Variants in MRTFA observed in about 807,000 individuals in gnomAD.
The protein encoded by MRTFA is myocardin related transcription factor A, also known as myocardin-related transcription factor A.
A neutral mutation model predicts 83.5 loss-of-function variants in MRTFA; 20 were observed. That is an observed-to-expected ratio of 0.24 (90% CI 0.17 to 0.35). The LOEUF (loss-of-function observed/expected upper bound fraction) is 0.35. MRTFA is among the 10% of genes least tolerant of loss of function. MRTFA has a pLI of 1.00. For synonymous variants in MRTFA, 659 were observed against 541.2 expected (o/e 1.22, Z -3.02); for missense variants, 1,200 against 1,224.7 (o/e 0.98, Z 0.30).
chr22:40,513,498 G>T, intron 3 of MRTFA, among the ~76,000 whole-genome samples: 1 of 151,646 alleles, frequency 6.6e-6, no homozygotes, highest in East Asian at 1.9e-4. Context: ...CTATTTGGGA[G>T]GCTAAGGCAG....
At chr22:40,498,440 T>A (rs1266028504) in intron 3 of MRTFA, among the ~76,000 whole-genome samples, 1 of 150,226 alleles carries the variant, frequency 6.7e-6, no homozygotes, top group African/African-American at 2.4e-5. Context: ...CAAGCTACCA[T>A]GCCCAGCTGA....
chr22:40,555,718 G>A (rs899763253), intron 2 of MRTFA, among the ~76,000 whole-genome samples: 4 of 151,234 alleles, frequency 2.6e-5, no homozygotes, highest in Non-Finnish European at 5.9e-5. Flanking sequence ...CTCACTGCAA[G>A]CTCCACCTCC....
At position 40,418,582 on chromosome 22, in the gene MRTFA, G is replaced by T; in HGVS notation, c.2156C>A (p.Pro719Gln). The T allele has an allele frequency of 6.5e-7, 1 of 1,549,858 alleles. No homozygotes were observed. Among genetic ancestry groups the T allele is most frequent in the Non-Finnish European group, 8.7e-7 (1 of 1,154,942 alleles). Residue 719 changes from proline (P) to glutamine (Q), a missense_variant, in exon 12 of 15, where the codon CCG (proline) becomes CAG (glutamine). Pro to Gln is a moderately conservative substitution (Grantham distance 76). Coordinates refer to ENST00000355630, the MANE Select transcript of MRTFA (RefSeq NM_020831.6). ...GGCTTCCTGCTTCACCACCACGGAC[G>T]GGGGCCCCGGGGCCACAGCACAAGG...
At chr22:40,516,330 G>A (rs1299895865) in intron 3 of MRTFA, among the ~76,000 whole-genome samples, 1 of 144,838 alleles carries the variant, frequency 6.9e-6, no homozygotes, top group Non-Finnish European at 1.5e-5. Context: ...TGAGACAGGA[G>A]AATCACTTGA....
intron 2 of MRTFA, among the ~76,000 whole-genome samples, chr22:40,576,189 CAGCTA>C (rs1569336355): frequency 6.6e-6 from 1 of 151,896 alleles, no homozygotes; most frequent in East Asian, 1.9e-4. Flanking sequence ...CCACCACGCT[CAGCTA>C]ATTTTTTTTT....
chr22:40,451,158 T>C lies in MRTFA; in HGVS notation c.307+12063A>G, dbSNP rs903014850. 5.3e-5 allele frequency among the ~76,000 whole-genome samples: 8 copies of C among 152,214 alleles called. No homozygotes were observed. The South Asian group carries it at 6.2e-4, about 12-fold the overall frequency. On this transcript the variant is annotated intron_variant, in intron 4 of 14. Coordinates refer to ENST00000355630, the MANE Select transcript of MRTFA (RefSeq NM_020831.6). ...TATGGAGTCAAATGCTGAGAGCTAA[T>C]TGGACCGGGCTTGACTTCCATTTTT...
intron 2 of MRTFA, among the ~76,000 whole-genome samples, chr22:40,552,826 G>A (rs542757121): frequency 1.2e-4 from 18 of 152,276 alleles, no homozygotes; most frequent in African/African-American, 3.4e-4. Flanking sequence ...CCAAAAATGT[G>A]GAAGCAACTT....
At chr22:40,545,787 G>A (rs1205370883) in intron 3 of MRTFA, among the ~76,000 whole-genome samples, 1 of 149,694 alleles carries the variant, frequency 6.7e-6, no homozygotes, top group Non-Finnish European at 1.5e-5. Context: ...AGGCTGGAGT[G>A]TAGTGGTGTG....
At chr22:40,522,922 G>A (rs970590612) in intron 3 of MRTFA, 5 of 152,180 alleles carry the variant, frequency 3.3e-5, no homozygotes, top group African/African-American at 1.2e-4. Context: ...GAGTTCCAAA[G>A]ATCAGTAGTT....
At chr22:40,542,949 T>C (rs182971305) in intron 3 of MRTFA, among the ~76,000 whole-genome samples, 15 of 152,328 alleles carry the variant, frequency 9.8e-5, no homozygotes, top group African/African-American at 2.9e-4. Flanking sequence ...TGCTTTTGTT[T>C]TGTTTTGTGT....
chr22:40,466,957 T>C (rs2053821077), intron 3 of MRTFA, among the ~76,000 whole-genome samples: 1 of 131,860 alleles, frequency 7.6e-6, no homozygotes, highest in South Asian at 2.6e-4. Flanking sequence ...CAACCGTGTA[T>C]ATATTATGCA....
chr22:40,579,624 C>T (rs1173425636), intron 2 of MRTFA, among the ~76,000 whole-genome samples: 1 of 152,062 alleles, frequency 6.6e-6, no homozygotes, highest in Non-Finnish European at 1.5e-5. Flanking sequence ...CTTTAGGAGG[C>T]CAAGGTGGGT....
At chr22:40,626,630 A>G (rs1161133567) in intron 1 of MRTFA, among the ~76,000 whole-genome samples, 1 of 152,206 alleles carries the variant, frequency 6.6e-6, no homozygotes, top group Non-Finnish European at 1.5e-5. Flanking sequence ...TTTAAAGGAA[A>G]GACAATATAT....
intron 3 of MRTFA, among the ~76,000 whole-genome samples, chr22:40,536,915 C>T (rs1373133159): frequency 2.4e-5 from 2 of 83,544 alleles, no homozygotes; most frequent in East Asian, 1.0e-3. Context: ...CGGCAGCCGC[C>T]CCGTCTGAGA....
chr22:40,605,663 T>C (rs759894695), intron 1 of MRTFA, among the ~76,000 whole-genome samples: 2 of 152,190 alleles, frequency 1.3e-5, no homozygotes, highest in Non-Finnish European at 1.5e-5. Flanking sequence ...AAGAAGAATT[T>C]TAAATGAGTA....
chr22:40,493,139 A>T (rs918811050), intron 3 of MRTFA, among the ~76,000 whole-genome samples: 4 of 152,200 alleles, frequency 2.6e-5, no homozygotes, highest in African/African-American at 9.6e-5. Context: ...GGAAATCAGG[A>T]CAGCTACACT....
At chr22:40,545,157 A>G (rs2055343760) in intron 3 of MRTFA, among the ~76,000 whole-genome samples, 1 of 152,140 alleles carries the variant, frequency 6.6e-6, no homozygotes, top group Non-Finnish European at 1.5e-5. Flanking sequence ...CATTAGACAG[A>G]TGTTTCCAGG....
intron 7 of MRTFA, 155 bp downstream of exon 7, chr22:40,429,451 G>C (rs529791854): frequency 1.8e-5 from 15 of 821,858 alleles, no homozygotes; most frequent in Non-Finnish European, 2.9e-5. Context: ...CTGTGCATGA[G>C]GCTCTCAAAC....
At chr22:40,575,740 C>T (rs781781661) in intron 2 of MRTFA, among the ~76,000 whole-genome samples, 86 of 152,264 alleles carry the variant, frequency 5.6e-4, no homozygotes, top group Non-Finnish European at 1.0e-3. Flanking sequence ...GGGTATATGA[C>T]CATAGGTTAT....
Sources: allele counts gnomAD v4.1 joint callset (sites outside exome capture counted in the v4.1 genomes callset), GRCh38; gene constraint gnomAD v4.1.1; transcripts MANE v1.5; gene names NCBI Gene and HGNC (gene_info 2026-07-23, HGNC 2026-07-21).